CELF2: variants seen among roughly 807,000 people sequenced by gnomAD.
CELF2 encodes CUGBP Elav-like family member 2, also known as CUG triplet repeat RNA-binding protein 2.
Under a neutral mutation model 62.6 loss-of-function variants are expected in CELF2, and 8 were observed. The ratio of observed to expected loss-of-function variants is 0.13; its 90% CI spans 0.07 to 0.23. The LOEUF (loss-of-function observed/expected upper bound fraction) is 0.23. Ranked by LOEUF, CELF2 falls within the 10% of genes least tolerant of loss-of-function variation. CELF2 has a pLI of 1.00. For missense variants in CELF2, 333 were observed against 671.0 expected, an observed-to-expected ratio of 0.50 and a Z score of 5.56; for synonymous variants, 258 against 250.0, an observed-to-expected ratio of 1.03 and a Z score of -0.30.
intron 1 of CELF2, among the ~76,000 whole-genome samples, chr10:10,835,726 G>A (rs766712803): frequency 2.0e-5 from 3 of 152,148 alleles, no homozygotes; most frequent in Non-Finnish European, 4.4e-5. Flanking sequence ...TTGTGTATCA[G>A]CCTCTGAGTT....
the CELF2 span, among the ~76,000 whole-genome samples, chr10:10,697,877 G>A: frequency 1.3e-5 from 2 of 152,120 alleles, no homozygotes; most frequent in African/African-American, 2.4e-5. Flanking sequence ...ACTGCAGCCT[G>A]CATCTCCTGG....
the CELF2 span, among the ~76,000 whole-genome samples, chr10:10,510,961 T>A: frequency 1.2e-3 from 180 of 152,018 alleles, no homozygotes; most frequent in East Asian, 5.8e-3. Context: ...GGGAAAAGGA[T>A]AAAGGAGTAA....
chr10:11,096,459 A>G (rs2049902871), intron 1 of CELF2: 1 of 152,236 alleles, frequency 6.6e-6, no homozygotes, highest in African/African-American at 2.4e-5. Context: ...CTAATCACTA[A>G]ATCTAATTAC....
the CELF2 span, among the ~76,000 whole-genome samples, chr10:10,463,165 A>T: frequency 6.6e-6 from 1 of 152,202 alleles, no homozygotes; most frequent in Non-Finnish European, 1.5e-5. Context: ...TAGCCAACTA[A>T]GAAGAACCTA....
intron 10 of CELF2, chr10:11,317,015 T>A (rs1319561497): frequency 6.6e-6 from 1 of 152,236 alleles, no homozygotes; most frequent in Non-Finnish European, 1.5e-5. Flanking sequence ...TATGTTAACA[T>A]CTGAACTAAG....
the CELF2 span, among the ~76,000 whole-genome samples, chr10:10,671,693 G>A: frequency 6.6e-6 from 1 of 151,476 alleles, no homozygotes; most frequent in Admixed American, 6.6e-5. Flanking sequence ...TTATGGTGTG[G>A]TGAATCTTTT....
chr10:11,204,511 A>G (rs1226972809), intron 2 of CELF2, among the ~76,000 whole-genome samples: 5 of 152,230 alleles, frequency 3.3e-5, no homozygotes, highest in Non-Finnish European at 7.3e-5. Flanking sequence ...ATACAGTAGG[A>G]ACCTCCGGTG....
chr10:10,505,097 GT>G, the CELF2 span, among the ~76,000 whole-genome samples: 1 of 151,926 alleles, frequency 6.6e-6, no homozygotes, highest in Non-Finnish European at 1.5e-5. Flanking sequence ...ATGATGACTG[GT>G]TTTTTAAATT....
chr10:10,516,536 G>A, the CELF2 span, among the ~76,000 whole-genome samples: 3 of 151,934 alleles, frequency 2.0e-5, no homozygotes, highest in Non-Finnish European at 4.4e-5. Context: ...CAGTCAATTC[G>A]GCAGCACAGA....
chr10:10,994,094 G>A (rs2053702303), intron 2 of CELF2, among the ~76,000 whole-genome samples: 1 of 152,174 alleles, frequency 6.6e-6, no homozygotes, highest in East Asian at 1.9e-4. Context: ...ACTAACACAA[G>A]TATCTTGGTA....
At chr10:11,125,407 TGATAAA>T (rs2058507922) in intron 1 of CELF2, among the ~76,000 whole-genome samples, 1 of 150,890 alleles carries the variant, frequency 6.6e-6, no homozygotes, top group Non-Finnish European at 1.5e-5. Context: ...TATGCTCCAT[TGATAAA>T]GAGAGGCAGG....
intron 2 of CELF2, among the ~76,000 whole-genome samples, chr10:11,175,937 C>T (rs1037197441): frequency 6.6e-6 from 1 of 152,116 alleles, no homozygotes; most frequent in African/African-American, 2.4e-5. Flanking sequence ...AGAGGAGAGC[C>T]ACAATTACCT....
At chr10:10,846,611 CT>C (rs1211681043) in intron 1 of CELF2, among the ~76,000 whole-genome samples, 7 of 152,236 alleles carry the variant, frequency 4.6e-5, no homozygotes, top group African/African-American at 1.7e-4. Context: ...CAGTAATTGC[CT>C]TTTGAGTTCA....
At chr10:11,108,866 T>A (rs1465846323) in intron 1 of CELF2, among the ~76,000 whole-genome samples, 1 of 152,232 alleles carries the variant, frequency 6.6e-6, no homozygotes. Context: ...GTTCACATCG[T>A]ATGCACATTT....
rs745992091 is a variant in CELF2 at position 11,214,348 on chromosome 10, G to A, written c.272-3077G>A. On this transcript the variant is annotated intron_variant, in intron 2 of 12. Coordinates refer to ENST00000633077, the MANE Select transcript of CELF2 (RefSeq NM_001326342.2). The surrounding 1 kb of genome is among the most constrained non-coding windows in gnomAD (Gnocchi z 4.2). ...CTGAGGAGGTAAGATATTTCCCCAC[G>A]GTAAGTCATTCAGAAACTAAATGTG... Among the ~76,000 whole-genome samples, 15 of 152,266 alleles carry A rather than the reference G, an allele frequency of 9.9e-5. No homozygotes were observed. Among genetic ancestry groups the A allele is most frequent in the Non-Finnish European group, 1.9e-4 (13 of 68,020 alleles).
chr10:10,633,888 A>T, the CELF2 span, among the ~76,000 whole-genome samples: 1 of 152,020 alleles, frequency 6.6e-6, no homozygotes, highest in Non-Finnish European at 1.5e-5. Context: ...ATTTTGTCAT[A>T]TATTAAATCT....
At chr10:10,713,053 C>T in the CELF2 span, among the ~76,000 whole-genome samples, 3 of 152,198 alleles carry the variant, frequency 2.0e-5, no homozygotes, top group Non-Finnish European at 4.4e-5. Flanking sequence ...TCCCAATGGA[C>T]CTTATTTCTG....
intron 1 of CELF2, among the ~76,000 whole-genome samples, chr10:10,833,687 GC>G (rs1223499753): frequency 1.3e-5 from 2 of 152,104 alleles, no homozygotes; most frequent in African/African-American, 4.8e-5. Flanking sequence ...AGACATACAT[GC>G]AGCCAACAAG....
At chr10:11,230,691 T>C (rs2068324651) in intron 3 of CELF2, among the ~76,000 whole-genome samples, 3 of 152,232 alleles carry the variant, frequency 2.0e-5, no homozygotes, top group South Asian at 2.1e-4. Flanking sequence ...AACCATCCTC[T>C]AAATTGTGGG....
Sources: gnomAD v4.1 joint callset for allele counts (sites outside exome capture counted in the v4.1 genomes callset) on GRCh38, gnomAD v4.1.1 for gene constraint, Gnocchi (gnomAD v3.1) non-coding constraint, MANE v1.5 for transcripts, NCBI Gene and HGNC (gene_info 2026-07-23, HGNC 2026-07-21) for gene names.